The following SBF1 variants were observed in gnomAD, a reference collection of about 807,000 sequenced individuals.
SBF1 encodes the protein SET binding factor 1, also known as myotubularin-related protein 5.
Under a neutral mutation model 215.8 loss-of-function variants are expected in SBF1, and 65 were observed. That is an observed-to-expected ratio of 0.30 (90% CI 0.25 to 0.37). The LOEUF is 0.37. Ranked by LOEUF, SBF1 falls within the 10% of genes least tolerant of loss-of-function variation. The pLI is 1.00. For synonymous variants in SBF1, 1,410 were observed against 1,122.8 expected (o/e 1.26, Z -5.11); for missense variants, 2,634 against 2,667.8 (o/e 0.99, Z 0.28).
At chr22:50,459,120 T>C (rs2067387584) in intron 28 of SBF1, 135 bp downstream of exon 28, 4 of 1,310,074 alleles carry the variant, frequency 3.1e-6, no homozygotes, top group Middle Eastern at 2.3e-4. Context: ...CCGGAGGGCA[T>C]GCTCCTCATC....
rs1050823509 is a variant in SBF1, at chr22:50,446,218, A to G, written c.*924T>C. On this transcript the variant is annotated 3_prime_UTR_variant, in exon 41 of 41. Transcript: ENST00000380817. ...CGGGGGCCCTCTGAGACCCCAGGGA[A>G]AGGACTTTTGGGGCAGAATTCCCAA... 4 of 152,214 alleles carry G rather than the reference A, an allele frequency of 2.6e-5. No homozygotes were observed. Among genetic ancestry groups the G allele is most frequent in the Admixed American group, 6.5e-5 (1 of 15,276 alleles). The allele number at this position is 152,214 out of a possible 1,614,324, so 9.4% of individuals were successfully genotyped here. A position where few individuals can be genotyped will look rare whatever the true frequency, so the allele number is the denominator to read the frequency against.
intron 36 of SBF1, among the ~76,000 whole-genome samples, chr22:50,449,211 T>G (rs953416298): frequency 6.7e-6 from 1 of 149,166 alleles, no homozygotes; most frequent in African/African-American, 2.5e-5. Flanking sequence ...TCTTCAACAC[T>G]GCAGGGTCCA....
In SBF1 at chr22:50,466,624, G is replaced by T. The variant is rs1603434027; in HGVS notation, c.636C>A (p.Ala212=). The T allele has an allele frequency of 3.2e-6, 5 of 1,552,776 alleles. No homozygotes were observed. In the East Asian group the frequency reaches 1.2e-4, roughly 38 times the overall value. Residue 212 remains alanine, a synonymous_variant, in exon 6 of 41, where the codon GCC becomes GCA. Coordinates refer to ENST00000380817, the MANE Select transcript of SBF1 (RefSeq NM_002972.4). ...GCTCACCTAGCTGGCGGAAGAGCAG[G>T]GCCACGCTGCAGCGGCTGACGGGCA... The part of the protein sequence containing the change: ...DSLPVSRCSV[A]LLFRQLGITN...
intron 5 of SBF1, 162 bp from the exon 6 acceptor site, chr22:50,466,872 C>T: frequency 5.1e-6 from 3 of 593,706 alleles, no homozygotes; most frequent in Non-Finnish European, 6.0e-6. Context: ...TGCCCTGCCT[C>T]TGTTGTCCCA....
At chr22:50,467,755 T>C (rs1446330814) in intron 3 of SBF1, 31 bp downstream of exon 3, 1 of 1,612,960 alleles carries the variant, frequency 6.2e-7, no homozygotes, top group Admixed American at 1.7e-5. Flanking sequence ...TGCAGCTTCA[T>C]TCATGCTGTA....
intron 37 of SBF1, 36 bp downstream of exon 37, chr22:50,448,507 C>CT: frequency 6.2e-7 from 1 of 1,608,416 alleles, no homozygotes; most frequent in South Asian, 1.1e-5. Context: ...CCCAGCAACA[C>CT]GCCCACCGTG....
chr22:50,447,275 C>G (rs754979607), intron 40 of SBF1, 35 bp from the exon 41 acceptor site: 16 of 1,613,398 alleles, frequency 9.9e-6, no homozygotes, highest in Admixed American at 3.3e-5. Context: ...CCGCAGCCCC[C>G]ACACCGCAGA....
chr22:50,466,450 C>A lies in SBF1; in HGVS notation c.688G>T (p.Ala230Ser). 1 of 1,551,716 alleles carries A rather than the reference C, an allele frequency of 6.4e-7. No individual in the cohort carries two copies. The highest frequency in any genetic ancestry group is 8.7e-7 in the Non-Finnish European group (1 of 1,146,968). ...ITNVLSLFCA[A>S]LTEHKVLFLS... The stretch of plus-strand genomic sequence containing the variant: ...AAGAGAACCTTGTGCTCCGTGAGGG[C>A]GGCACAGAACAAAGACAGCACGTTG... The change falls in exon 7 of 41, where the codon GCC becomes TCC. Residue 230 changes from alanine (A) to serine (S), a missense_variant. Physicochemically the swap from Ala to Ser is moderately conservative, Grantham distance 99. Coordinates refer to ENST00000380817, the MANE Select transcript of SBF1 (RefSeq NM_002972.4).
At chr22:50,457,508 T>C (rs769141299) in intron 28 of SBF1, among the ~76,000 whole-genome samples, 6 of 152,198 alleles carry the variant, frequency 3.9e-5, no homozygotes, top group Non-Finnish European at 8.8e-5. Context: ...CACATGAGCA[T>C]GTAGACGCCT....
rs1279358667 is a variant in SBF1 at position 50,445,258 on chromosome 22, T to TA, written c.*1883dup. On this transcript the variant is annotated 3_prime_UTR_variant, in exon 41 of 41. Coordinates refer to ENST00000380817, the MANE Select transcript of SBF1 (RefSeq NM_002972.4). ...CATCAGGTCTCTACAGCTTAGCAAA[T>TA]ACTGACATTTTTCCGTTTGGGGGAT... 1 of 152,368 alleles carries TA rather than the reference T, an allele frequency of 6.6e-6. No homozygotes were observed. Among genetic ancestry groups the TA allele is most frequent in the Non-Finnish European group, 1.5e-5 (1 of 68,248 alleles). 9.4% of individuals were successfully genotyped at this position (152,368 alleles called of 1,614,324 possible).
Position 50,474,807 on chromosome 22 carries a change from C to A in SBF1, c.34G>T (p.Ala12Ser). ...ARLADYFVLV[A>S]FGPHPRGSGE... Reference sequence around the variant, plus strand: ...TCACCGCGCGGGTGCGGCCCGAACGCCACCAGCACGAAGTAGTCCGCGAGC... The same window carrying A: ...TCACCGCGCGGGTGCGGCCCGAACGACACCAGCACGAAGTAGTCCGCGAGC... The change falls in exon 1 of 41, where the codon GCG (alanine) becomes TCG (serine). Residue 12 changes from alanine (A) to serine (S), a missense_variant. Ala to Ser is a moderately conservative substitution (Grantham distance 99). Coordinates refer to ENST00000380817, the MANE Select transcript of SBF1 (RefSeq NM_002972.4). 1 of 1,456,200 alleles carries A rather than the reference C, an allele frequency of 6.9e-7. No individual in the cohort carries two copies. The allele number at this position is 1,456,200 out of a possible 1,614,324, so 90.2% of individuals were successfully genotyped here. A position where few individuals can be genotyped will look rare whatever the true frequency, so the allele number is the denominator to read the frequency against.
chr22:50,447,761 G>C (rs2066890889), intron 38 of SBF1, 152 bp from the exon 39 acceptor site: 1 of 619,590 alleles, frequency 1.6e-6, no homozygotes, highest in Admixed American at 2.9e-5. Context: ...CACTGGCCAG[G>C]GGGCCACAAA....
At chr22:50,457,514 C>T (rs1305089127) in intron 28 of SBF1, among the ~76,000 whole-genome samples, 9 of 152,250 alleles carry the variant, frequency 5.9e-5, no homozygotes, top group South Asian at 2.1e-4. Context: ...AGCATGTAGA[C>T]GCCTCTGTCC....
intron 36 of SBF1, 78 bp downstream of exon 36, chr22:50,454,434 C>A (rs781042272): frequency 4.0e-6 from 5 of 1,253,956 alleles, no homozygotes; most frequent in Admixed American, 1.7e-5. Flanking sequence ...TACGAGTGTA[C>A]ACACACACGC....
chr22:50,465,287 C>T lies in SBF1; in HGVS notation c.1131G>A (p.Gln377=), dbSNP rs1442820560. Residue 377 remains glutamine, a synonymous_variant, in exon 11 of 41, where the codon CAG becomes CAA. Coordinates refer to ENST00000380817, the MANE Select transcript of SBF1 (RefSeq NM_002972.4). ...LRAVFLRLFA[Q]LLQGYRWCLH... The stretch of plus-strand genomic sequence containing the variant: ...GGCACCAGCGATAGCCCTGCAGCAG[C>T]TGAGCGAACAGCCGCAGGAAGACCG... 14 of 1,608,636 alleles carry T rather than the reference C, an allele frequency of 8.7e-6. No individual in the cohort carries two copies. Among genetic ancestry groups the T allele is most frequent in the Non-Finnish European group, 1.2e-5 (14 of 1,178,224 alleles).
intron 2 of SBF1, among the ~76,000 whole-genome samples, 175 bp from the exon 3 acceptor site, chr22:50,468,098 G>A (rs910808460): frequency 6.6e-6 from 1 of 152,302 alleles, no homozygotes; most frequent in African/African-American, 2.4e-5. Context: ...CGGGTGAAGG[G>A]AGTAACAGCC....
chr22:50,467,250 T>G (rs2067806927), intron 5 of SBF1, 88 bp downstream of exon 5: 2 of 1,081,918 alleles, frequency 1.8e-6, no homozygotes, highest in Non-Finnish European at 2.8e-6. Context: ...TCCAGCTGTG[T>G]GTGGCTCTGG....
chr22:50,462,163 G>A lies in SBF1; in HGVS notation c.2396+42C>T, dbSNP rs148476098. The A allele has an allele frequency of 1.1e-3, 1,794 of 1,607,678 alleles. 11 individuals carry two copies. The African/African-American group carries it at 0.019, about 17-fold the overall frequency. ...TGTGGGCATGGGCCCTGCCCACCAC[G>A]GCCCCGCCTCCACTGGGCCCAACCC... On this transcript the variant is annotated intron_variant, in intron 19 of 40. Transcript: ENST00000380817.
chr22:50,460,186 T>C, intron 25 of SBF1, 27 bp from the exon 26 acceptor site: 2 of 1,607,554 alleles, frequency 1.2e-6, no homozygotes, highest in South Asian at 1.1e-5. Context: ...CACGTGGTCA[T>C]CACGGGGCCA....
Sources: allele counts gnomAD v4.1 joint callset (sites outside exome capture counted in the v4.1 genomes callset), GRCh38; gene constraint gnomAD v4.1.1; transcripts MANE v1.5; gene names NCBI Gene and HGNC (gene_info 2026-07-23, HGNC 2026-07-21).